ATP1B1: variants seen among roughly 807,000 people sequenced by gnomAD.
ATP1B1 encodes ATPase Na+/K+ transporting subunit beta 1, also known as sodium/potassium-transporting ATPase subunit beta-1.
Under a neutral mutation model 39.6 loss-of-function variants are expected in ATP1B1, and 3 were observed. The observed-to-expected ratio is 0.08, with a 90% confidence interval of 0.03 to 0.20. The LOEUF is 0.20. Among genes scored for constraint, ATP1B1 ranks in the 10% least tolerant of loss-of-function variants. The probability of loss-of-function intolerance (pLI) is 1.00; values close to 1 mark genes in which losing one functional copy is unlikely to be tolerated. For missense variants in ATP1B1, 216 were observed against 371.1 expected, an observed-to-expected ratio of 0.58 and a Z score of 3.43; for synonymous variants, 139 against 135.0, an observed-to-expected ratio of 1.03 and a Z score of -0.20.
chr1:169,127,260 A>G lies in ATP1B1; in HGVS notation c.419A>G (p.Asn140Ser), dbSNP rs532717504. ...PSEPKERGDF[N>S]HERGERKVCR... The stretch of plus-strand genomic sequence containing the variant: ...GAACCGAAAGAACGAGGAGACTTTA[A>G]TCATGAACGAGGAGAGCGAAAGGTC... The change falls in exon 4 of 6, where the codon AAT (asparagine) becomes AGT (serine). Residue 140 changes from asparagine (N) to serine (S), a missense_variant. Coordinates refer to ENST00000367815, the MANE Select transcript of ATP1B1 (RefSeq NM_001677.4). 6.3e-7 allele frequency: 1 copy of G among 1,596,372 alleles called. No individual in the cohort carries two copies. Among genetic ancestry groups the G allele is most frequent in the Admixed American group, 1.8e-5 (1 of 54,912 alleles).
intron 5 of ATP1B1, among the ~76,000 whole-genome samples, chr1:169,130,366 C>A (rs1057346534): frequency 6.7e-6 from 1 of 149,572 alleles, no homozygotes; most frequent in Non-Finnish European, 1.5e-5. Context: ...ATTTGCTTAT[C>A]AGAACTGAGA....
In ATP1B1 at chr1:169,131,735, C is replaced by A; in HGVS notation, c.*180C>A. 4 of 733,400 alleles carry A rather than the reference C, an allele frequency of 5.5e-6. No homozygotes were observed. The highest frequency in any genetic ancestry group is 8.3e-6 in the Non-Finnish European group (4 of 483,096). 45.4% of individuals were successfully genotyped at this position (733,400 alleles called of 1,614,324 possible). On this transcript the variant is annotated 3_prime_UTR_variant, in exon 6 of 6. Transcript: ENST00000367815. The surrounding 1 kb of genome is among the most constrained non-coding windows in gnomAD (Gnocchi z 4.4). ...GTAAATTAAAGTGTAGCAATAGCAA[C>A]AAAATATTTATTCTACTGTAAATGA...
At chr1:169,115,908 G>A (rs959289014) in intron 2 of ATP1B1, among the ~76,000 whole-genome samples, 6 of 152,250 alleles carry the variant, frequency 3.9e-5, no homozygotes, top group African/African-American at 1.2e-4. Flanking sequence ...CGCCTGCCAA[G>A]CTTTTCTCCA....
chr1:169,125,332 C>A (rs375543614), intron 3 of ATP1B1, among the ~76,000 whole-genome samples: 1 of 115,294 alleles, frequency 8.7e-6, no homozygotes, highest in African/African-American at 3.8e-5. Context: ...CTTTCTCTTA[C>A]ATCCGTTGAA....
chr1:169,125,089 C>G (rs369731734), intron 3 of ATP1B1, 50 bp downstream of exon 3: 1 of 1,525,586 alleles, frequency 6.6e-7, no homozygotes, highest in Non-Finnish European at 8.8e-7. Context: ...TTCTCTTTAA[C>G]TCTTATTTCC....
intron 2 of ATP1B1, among the ~76,000 whole-genome samples, chr1:169,116,900 G>A (rs1376949558): frequency 1.3e-5 from 2 of 151,492 alleles, no homozygotes; most frequent in Non-Finnish European, 2.9e-5. Context: ...ATTAGGGTTC[G>A]AGTCATTATC....
intron 4 of ATP1B1, among the ~76,000 whole-genome samples, chr1:169,129,765 G>GGTTT (rs2101794283): frequency 6.6e-6 from 1 of 152,270 alleles, no homozygotes; most frequent in Non-Finnish European, 1.5e-5. Flanking sequence ...ATTTAGTACT[G>GGTTT]GTTTGCATCA....
chr1:169,123,172 C>T (rs1004642782), intron 2 of ATP1B1, among the ~76,000 whole-genome samples: 3 of 152,198 alleles, frequency 2.0e-5, no homozygotes, highest in South Asian at 2.1e-4. Flanking sequence ...CATTCGTTAA[C>T]GTCGTTGTCT....
chr1:169,113,504 C>G (rs1187823955), intron 2 of ATP1B1, among the ~76,000 whole-genome samples: 2 of 151,554 alleles, frequency 1.3e-5, no homozygotes, highest in Non-Finnish European at 2.9e-5. Flanking sequence ...TTTAATGAAA[C>G]TAAAAATTCT....
chr1:169,111,646 GC>G, intron 2 of ATP1B1, 148 bp downstream of exon 2: 1 of 1,179,496 alleles, frequency 8.5e-7, no homozygotes, highest in Non-Finnish European at 1.2e-6. Flanking sequence ...CTCGGCTGCA[GC>G]CAGATGTCCT....
intron 2 of ATP1B1, among the ~76,000 whole-genome samples, chr1:169,112,385 A>G (rs1312512983): frequency 6.6e-6 from 1 of 152,242 alleles, no homozygotes; most frequent in Non-Finnish European, 1.5e-5. Flanking sequence ...TGTAAAAATC[A>G]TTGTCTGGAG....
intron 2 of ATP1B1, among the ~76,000 whole-genome samples, chr1:169,112,451 A>C (rs1202998152): frequency 6.6e-6 from 1 of 152,234 alleles, no homozygotes; most frequent in Non-Finnish European, 1.5e-5. Flanking sequence ...AATGACCTTG[A>C]AGCTGCTGCT....
rs1216920585 is a variant in ATP1B1 at position 169,131,336 on chromosome 1, A to T, written c.693A>T (p.Gly231=). The change falls in exon 6 of 6, where the codon GGA becomes GGT. Residue 231 remains glycine, a synonymous_variant. Transcript: ENST00000367815. This position sits in a 1 kb window ranked among gnomAD's most constrained non-coding sequence, Gnocchi z 4.4. ...KDKVGNVEYF[G]LGNSPGFPLQ... ...AAGTTGGAAATGTGGAGTATTTTGGACTGGGCAACTCCCCTGGTTTTCCTC... is the reference window on the plus strand; with the variant it reads ...AAGTTGGAAATGTGGAGTATTTTGGTCTGGGCAACTCCCCTGGTTTTCCTC... 1.9e-6 allele frequency: 3 copies of T among 1,614,118 alleles called. No individual in the cohort carries two copies. Among genetic ancestry groups the T allele is most frequent in the Non-Finnish European group, 2.5e-6 (3 of 1,180,016 alleles).
chr1:169,130,114 G>A (rs764196458), intron 5 of ATP1B1, 24 bp downstream of exon 5: 17 of 1,606,726 alleles, frequency 1.1e-5, no homozygotes, highest in Non-Finnish European at 1.4e-5. Flanking sequence ...TAGGGTTACT[G>A]GGGTGGTGGA....
chr1:169,114,349 G>C (rs938377499), intron 2 of ATP1B1, among the ~76,000 whole-genome samples: 1 of 152,192 alleles, frequency 6.6e-6, no homozygotes, highest in Non-Finnish European at 1.5e-5. Context: ...ATTTGAGTTA[G>C]ATACACCTAG....
At chr1:169,116,056 C>T (rs910435210) in intron 2 of ATP1B1, among the ~76,000 whole-genome samples, 4 of 152,248 alleles carry the variant, frequency 2.6e-5, no homozygotes, top group East Asian at 3.8e-4. Flanking sequence ...CGCACACCCA[C>T]GTGCATGCCC....
At chr1:169,107,446 A>G (rs1227805684) in intron 1 of ATP1B1, among the ~76,000 whole-genome samples, 1 of 152,164 alleles carries the variant, frequency 6.6e-6, no homozygotes, top group African/African-American at 2.4e-5. Flanking sequence ...ACACTGTAGT[A>G]TTTCACAGCG....
chr1:169,114,872 A>T (rs1377176611), intron 2 of ATP1B1, among the ~76,000 whole-genome samples: 1 of 151,796 alleles, frequency 6.6e-6, no homozygotes, highest in Non-Finnish European at 1.5e-5. Flanking sequence ...CACACACAAA[A>T]AATTTTTTTA....
Position 169,131,655 on chromosome 1 carries a change from C to A in ATP1B1, c.*100C>A. ...TGAACAAACTGTCATACGTATGGGA[C>A]CTACACTTAATCTATATGCTTTACA... is the stretch of plus-strand genomic sequence containing the variant. On this transcript the variant is annotated 3_prime_UTR_variant, in exon 6 of 6. Transcript: ENST00000367815. This position sits in a 1 kb window ranked among gnomAD's most constrained non-coding sequence, Gnocchi z 4.4. The A allele has an allele frequency of 7.5e-7, 1 of 1,338,440 alleles. No individual in the cohort carries two copies. Among genetic ancestry groups the A allele is most frequent in the Non-Finnish European group, 1.0e-6 (1 of 983,932 alleles). 82.9% of individuals were successfully genotyped at this position (1,338,440 alleles called of 1,614,324 possible).
Sources: allele counts gnomAD v4.1 joint callset (sites outside exome capture counted in the v4.1 genomes callset), GRCh38; gene constraint gnomAD v4.1.1; non-coding constraint Gnocchi (gnomAD v3.1); transcripts MANE v1.5; gene names NCBI Gene and HGNC (gene_info 2026-07-23, HGNC 2026-07-21).